CACNA2D3: variants seen among roughly 807,000 people sequenced by gnomAD.
CACNA2D3 encodes the protein calcium voltage-gated channel auxiliary subunit alpha2delta 3.
Under a neutral mutation model 160.6 loss-of-function variants are expected in CACNA2D3, and 60 were observed. That is an observed-to-expected ratio of 0.37 (90% CI 0.30 to 0.46). CACNA2D3 has a LOEUF of 0.46. Among genes scored for constraint, CACNA2D3 ranks in the 20% least tolerant of loss-of-function variants. The probability of loss-of-function intolerance (pLI) is 1.00; values close to 1 mark genes in which losing one functional copy is unlikely to be tolerated. For synonymous variants in CACNA2D3, 558 were observed against 492.9 expected, an observed-to-expected ratio of 1.13 and a Z score of -1.75; for missense variants, 1,205 against 1,365.0, an observed-to-expected ratio of 0.88 and a Z score of 1.85.
At chr3:54,229,194 ATT>A (rs550039158) in intron 2 of CACNA2D3, among the ~76,000 whole-genome samples, 424 of 146,296 alleles carry the variant, frequency 2.9e-3, no homozygotes, top group African/African-American at 9.1e-3. Context: ...CAGCTAATTA[ATT>A]TTTTTTTTTT....
intron 2 of CACNA2D3, among the ~76,000 whole-genome samples, chr3:54,213,247 A>C (rs1353676244): frequency 6.6e-6 from 1 of 152,078 alleles, no homozygotes; most frequent in Non-Finnish European, 1.5e-5. Flanking sequence ...ATTTCTTTTA[A>C]CCTTTTTGGA....
chr3:54,454,513 A>T (rs1217738328), intron 4 of CACNA2D3, among the ~76,000 whole-genome samples: 2 of 152,140 alleles, frequency 1.3e-5, no homozygotes, highest in Non-Finnish European at 2.9e-5. Flanking sequence ...GTACCATGTG[A>T]TGTTTCAATA....
intron 2 of CACNA2D3, among the ~76,000 whole-genome samples, chr3:54,181,880 C>T (rs1481711430): frequency 6.6e-6 from 1 of 151,990 alleles, no homozygotes; most frequent in Non-Finnish European, 1.5e-5. Context: ...CCGTGGGTGT[C>T]CTGGGAGAGC....
At position 54,887,975 on chromosome 3, in the gene CACNA2D3, C is replaced by T. The variant is rs1461861449; in HGVS notation, c.2073C>T (p.Ile691=). 4 of 1,613,864 alleles carry T rather than the reference C, an allele frequency of 2.5e-6. No individual in the cohort carries two copies. The highest frequency in any genetic ancestry group is 1.3e-5 in the African/African-American group (1 of 75,028). The change falls in exon 24 of 38, where the codon ATC becomes ATT. Residue 691 remains isoleucine, a synonymous_variant. Coordinates refer to ENST00000474759, the MANE Select transcript of CACNA2D3 (RefSeq NM_018398.3). ...TCCCAACAGGTGATAAAGAATTGAT[C>T]CAAGAAGTCCTTTTTGACGCGGTGG... The part of the protein sequence containing the change: ...EPLLQCDKEL[I]QEVLFDAVVS...
chr3:54,251,914 G>A (rs543349690), intron 2 of CACNA2D3, among the ~76,000 whole-genome samples: 1 of 152,246 alleles, frequency 6.6e-6, no homozygotes, highest in South Asian at 2.1e-4. Flanking sequence ...TTATAGCGAG[G>A]CCCTGGTGTT....
intron 12 of CACNA2D3, among the ~76,000 whole-genome samples, chr3:54,763,707 A>G (rs368608544): frequency 5.4e-5 from 6 of 111,596 alleles, no homozygotes; most frequent in East Asian, 2.7e-4. Flanking sequence ...GTATATATGT[A>G]TATATATGTA....
At chr3:54,821,682 T>TTC (rs1202322959) in intron 14 of CACNA2D3, among the ~76,000 whole-genome samples, 6 of 128,332 alleles carry the variant, frequency 4.7e-5, no homozygotes, top group Non-Finnish European at 1.6e-5. Context: ...CTTTCTTTCT[T>TTC]TCTTTCTTTC....
chr3:54,790,129 C>T (rs1702722020), intron 13 of CACNA2D3, among the ~76,000 whole-genome samples: 1 of 152,154 alleles, frequency 6.6e-6, no homozygotes, highest in East Asian at 1.9e-4. Flanking sequence ...AGCCAGAGGA[C>T]CCGGTTTCAA....
intron 11 of CACNA2D3, among the ~76,000 whole-genome samples, chr3:54,697,179 A>G (rs368707285): frequency 6.6e-6 from 1 of 152,088 alleles, no homozygotes; most frequent in East Asian, 1.9e-4. Flanking sequence ...TCAGGAGGCT[A>G]AGGTAGGAGG....
At chr3:54,786,462 C>T (rs1282456729) in intron 13 of CACNA2D3, among the ~76,000 whole-genome samples, 1 of 152,194 alleles carries the variant, frequency 6.6e-6, no homozygotes, top group Non-Finnish European at 1.5e-5. Context: ...CCTCCCTGCA[C>T]TGGCTCCATG....
At chr3:54,418,305 TCA>T (rs2106744293) in intron 4 of CACNA2D3, among the ~76,000 whole-genome samples, 1 of 152,314 alleles carries the variant, frequency 6.6e-6, no homozygotes, top group East Asian at 1.9e-4. Context: ...CTCAGAAGTT[TCA>T]GTTTCACCAT....
chr3:54,478,457 C>T (rs976664161), intron 4 of CACNA2D3, among the ~76,000 whole-genome samples: 2 of 151,226 alleles, frequency 1.3e-5, no homozygotes, highest in African/African-American at 4.9e-5. Context: ...ACGGTGAAAC[C>T]CTGTCTCTAC....
intron 31 of CACNA2D3, among the ~76,000 whole-genome samples, chr3:55,002,300 C>G (rs1435557075): frequency 1.3e-5 from 2 of 152,184 alleles, no homozygotes; most frequent in Non-Finnish European, 2.9e-5. Flanking sequence ...CTGGCTCTGG[C>G]ACATGTTTTA....
intron 35 of CACNA2D3, among the ~76,000 whole-genome samples, chr3:55,023,941 T>G (rs1703511232): frequency 6.8e-6 from 1 of 147,632 alleles, no homozygotes; most frequent in Non-Finnish European, 1.5e-5. Flanking sequence ...AAGTGTCTTC[T>G]CTTGTAAGAT....
chr3:54,564,577 C>G (rs545585781), intron 6 of CACNA2D3, among the ~76,000 whole-genome samples: 8 of 152,268 alleles, frequency 5.3e-5, no homozygotes, highest in Admixed American at 3.3e-4. Context: ...GAGCATTTTG[C>G]GAGGATGTTT....
At chr3:54,643,004 TTGG>T (rs1236820756) in intron 11 of CACNA2D3, among the ~76,000 whole-genome samples, 1 of 152,142 alleles carries the variant, frequency 6.6e-6, no homozygotes, top group Admixed American at 6.5e-5. Flanking sequence ...AGACTGACAA[TTGG>T]TGGTCACTGT....
chr3:54,139,375 C>T (rs1185819010), intron 2 of CACNA2D3, among the ~76,000 whole-genome samples: 3 of 152,236 alleles, frequency 2.0e-5, no homozygotes, highest in Admixed American at 6.5e-5. Context: ...TCACGCCTGC[C>T]CACGCTCTGC....
At chr3:55,012,107 T>C (rs1489097107) in intron 34 of CACNA2D3, among the ~76,000 whole-genome samples, 1 of 152,130 alleles carries the variant, frequency 6.6e-6, no homozygotes, top group Non-Finnish European at 1.5e-5. Context: ...GCACCCTGGG[T>C]AGCCTTTCTC....
chr3:54,973,750 A>AC (rs1702325389), intron 29 of CACNA2D3, among the ~76,000 whole-genome samples: 1 of 152,110 alleles, frequency 6.6e-6, no homozygotes, highest in Non-Finnish European at 1.5e-5. Context: ...TTCCTAGGTG[A>AC]CCCCTCTGCA....
Sources: gnomAD v4.1 joint callset for allele counts (sites outside exome capture counted in the v4.1 genomes callset) on GRCh38, gnomAD v4.1.1 for gene constraint, MANE v1.5 for transcripts, NCBI Gene and HGNC (gene_info 2026-07-23, HGNC 2026-07-21) for gene names.